ZNF385D: variants seen among roughly 807,000 people sequenced by gnomAD.
The protein encoded by ZNF385D is zinc finger protein 385D, also known as zinc finger protein 659.
In ZNF385D, 15 loss-of-function variants were observed where a neutral mutation model predicts 35.8. The ratio of observed to expected loss-of-function variants is 0.42; its 90% CI spans 0.28 to 0.64. The LOEUF (loss-of-function observed/expected upper bound fraction) is 0.64, where lower values mean the gene tolerates loss of function less well. Among genes scored for constraint, ZNF385D ranks in the 30% least tolerant of loss-of-function variants. The pLI is 0.23. For missense variants in ZNF385D, 474 were observed against 494.6 expected (o/e 0.96, Z 0.39); for synonymous variants, 212 against 186.8 (o/e 1.13, Z -1.10).
intron 7 of ZNF385D, among the ~76,000 whole-genome samples, 153 bp downstream of exon 7, chr3:21,423,810 T>C (rs1700856597): frequency 6.6e-6 from 1 of 152,218 alleles, no homozygotes. Flanking sequence ...TTGGTTTTTC[T>C]CTTTTCCCTA....
intron 3 of ZNF385D, among the ~76,000 whole-genome samples, chr3:21,983,580 T>C (rs1694633148): frequency 6.9e-6 from 1 of 144,344 alleles, no homozygotes. Context: ...GACATTTGGG[T>C]TGGTTCCAAG....
chr3:21,650,578 A>T (rs567476186), intron 2 of ZNF385D, among the ~76,000 whole-genome samples: 11 of 152,332 alleles, frequency 7.2e-5, no homozygotes, highest in Non-Finnish European at 1.2e-4. Context: ...ATTTTTAAAA[A>T]ATCCTCTGAA....
chr3:22,163,463 C>T (rs1022239356), intron 3 of ZNF385D, among the ~76,000 whole-genome samples: 5 of 152,030 alleles, frequency 3.3e-5, no homozygotes, highest in South Asian at 2.1e-4. Context: ...TGAGATGACA[C>T]GTAAATATGT....
chr3:21,755,938 T>C (rs79566307), upstream of ZNF385D, among the ~76,000 whole-genome samples: 1 of 152,056 alleles, frequency 6.6e-6, no homozygotes, highest in South Asian at 2.1e-4. Flanking sequence ...TAGAGTAGAG[T>C]AGATCTTAAA....
At chr3:22,135,336 C>A (rs577988839) in intron 3 of ZNF385D, among the ~76,000 whole-genome samples, 1 of 151,598 alleles carries the variant, frequency 6.6e-6, no homozygotes, top group Non-Finnish European at 1.5e-5. Flanking sequence ...ACACACATAC[C>A]CCAACATACA....
intron 3 of ZNF385D, among the ~76,000 whole-genome samples, chr3:21,882,380 G>T (rs2336513): frequency 0.059 from 8,891 of 151,328 alleles, 415 homozygotes; most frequent in South Asian, 0.2. Flanking sequence ...TCAGATGATT[G>T]TAAGCATTTT....
chr3:21,745,442 G>A (rs1316303277), intron 1 of ZNF385D, among the ~76,000 whole-genome samples: 2 of 152,100 alleles, frequency 1.3e-5, no homozygotes, highest in African/African-American at 2.4e-5. Context: ...ATGCAATCAG[G>A]GCTGACTTCC....
At chr3:21,879,667 G>A (rs570958629) in intron 3 of ZNF385D, among the ~76,000 whole-genome samples, 1 of 152,068 alleles carries the variant, frequency 6.6e-6, no homozygotes, top group East Asian at 1.9e-4. Context: ...CAGAGGTCAG[G>A]AATCACTAAA....
chr3:21,483,821 C>A (rs939387686), intron 4 of ZNF385D, among the ~76,000 whole-genome samples: 2 of 152,148 alleles, frequency 1.3e-5, no homozygotes, highest in African/African-American at 4.8e-5. Flanking sequence ...CTAGATATAA[C>A]ATCTTTTCCA....
At chr3:21,558,179 A>C (rs965542717) in intron 3 of ZNF385D, among the ~76,000 whole-genome samples, 1 of 114,058 alleles carries the variant, frequency 8.8e-6, no homozygotes, top group Non-Finnish European at 1.8e-5. Flanking sequence ...GATCTTAGTT[A>C]TTTCTCACCT....
At chr3:21,484,374 C>A (rs1559336528) in intron 4 of ZNF385D, among the ~76,000 whole-genome samples, 1 of 152,122 alleles carries the variant, frequency 6.6e-6, no homozygotes, top group Non-Finnish European at 1.5e-5. Context: ...AGTCTGTGGG[C>A]ATTTCTGGAC....
chr3:22,042,659 C>A (rs1698737850), intron 3 of ZNF385D, among the ~76,000 whole-genome samples: 1 of 152,106 alleles, frequency 6.6e-6, no homozygotes, highest in African/African-American at 2.4e-5. Context: ...GCTTCTCTTC[C>A]AAGTTGCACT....
At chr3:22,181,680 AGAGT>A (rs1358163795) in intron 2 of ZNF385D, among the ~76,000 whole-genome samples, 1 of 148,882 alleles carries the variant, frequency 6.7e-6, no homozygotes, top group African/African-American at 2.5e-5. Context: ...CCTGGGCGAA[AGAGT>A]GAGACTCCGT....
At chr3:21,838,451 C>A (rs1353015676) in intron 3 of ZNF385D, among the ~76,000 whole-genome samples, 2 of 152,056 alleles carry the variant, frequency 1.3e-5, no homozygotes, top group Non-Finnish European at 2.9e-5. Context: ...AATGAAGAGG[C>A]CAGCCTTCCT....
At chr3:21,792,731 G>T (rs1160495436) in intron 3 of ZNF385D, among the ~76,000 whole-genome samples, 1 of 152,128 alleles carries the variant, frequency 6.6e-6, no homozygotes, top group African/African-American at 2.4e-5. Flanking sequence ...CTCCTCAAAA[G>T]AGGACCCTTA....
At chr3:22,176,109 C>A (rs1694816039) in intron 2 of ZNF385D, among the ~76,000 whole-genome samples, 1 of 147,878 alleles carries the variant, frequency 6.8e-6, no homozygotes, top group African/African-American at 2.7e-5. Context: ...ACTACAGCAT[C>A]TGGAAATTCC....
intron 3 of ZNF385D, among the ~76,000 whole-genome samples, chr3:22,065,506 C>G (rs1489039748): frequency 6.6e-6 from 1 of 152,084 alleles, no homozygotes; most frequent in African/African-American, 2.4e-5. Flanking sequence ...TAGAGTGGGG[C>G]AGAGTTGCCA....
intron 2 of ZNF385D, among the ~76,000 whole-genome samples, chr3:22,310,382 T>C (rs1367890282): frequency 1.3e-5 from 2 of 152,116 alleles, no homozygotes; most frequent in Admixed American, 6.6e-5. Flanking sequence ...ACTCTCATCA[T>C]TACTACATAA....
chr3:21,712,179 C>G (rs183967490), intron 1 of ZNF385D, among the ~76,000 whole-genome samples: 1 of 152,258 alleles, frequency 6.6e-6, no homozygotes, highest in East Asian at 1.9e-4. Context: ...TTACTATGGT[C>G]TTTCTGCCCT....
Sources: allele counts gnomAD v4.1 joint callset (sites outside exome capture counted in the v4.1 genomes callset), GRCh38; gene constraint gnomAD v4.1.1; transcripts MANE v1.5; gene names NCBI Gene and HGNC (gene_info 2026-07-23, HGNC 2026-07-21).